CNTN4: variants seen among roughly 807,000 people sequenced by gnomAD.
The protein encoded by CNTN4 is contactin-4.
Under a neutral mutation model 122.5 loss-of-function variants are expected in CNTN4, and 77 were observed. The ratio of observed to expected loss-of-function variants is 0.63; its 90% CI spans 0.52 to 0.76. The LOEUF (loss-of-function observed/expected upper bound fraction) is 0.76, where lower values mean the gene tolerates loss of function less well. Among genes scored for constraint, CNTN4 ranks in the 30% least tolerant of loss-of-function variants. The pLI is 0.00. For synonymous variants in CNTN4, 512 were observed against 447.0 expected (o/e 1.15, Z -1.83); for missense variants, 1,256 against 1,259.1 (o/e 1.00, Z 0.04).
chr3:2,524,010 T>C (rs973991873), intron 3 of CNTN4, among the ~76,000 whole-genome samples: 1 of 152,152 alleles, frequency 6.6e-6, no homozygotes, highest in Non-Finnish European at 1.5e-5. Context: ...ATAATTCTTA[T>C]GTCATACAAC....
At position 2,902,988 on chromosome 3, in the gene CNTN4, C is replaced by A; in HGVS notation, c.1190C>A (p.Ala397Glu). The A allele has an allele frequency of 6.2e-7, 1 of 1,613,620 alleles. No homozygotes were observed. Among genetic ancestry groups the A allele is most frequent in the Non-Finnish European group, 8.5e-7 (1 of 1,179,810 alleles). ...ENKHGVIFSN[A>E]ELSVIAVGPD... is the part of the protein sequence containing the mutation. ...AAACATGGAGTTATCTTTTCCAACG[C>A]AGAGCTTAGTGTTATAGGTGAGTCT... Residue 397 changes from alanine (A) to glutamate (E), a missense_variant, in exon 12 of 25, where the codon GCA becomes GAA. Transcript: ENST00000418658.
chr3:2,146,563 T>C (rs2035256100), intron 2 of CNTN4, among the ~76,000 whole-genome samples: 2 of 152,176 alleles, frequency 1.3e-5, no homozygotes, highest in African/African-American at 4.8e-5. Context: ...TCACTTGATA[T>C]TTTACATTTT....
chr3:2,170,782 C>G (rs544790834), intron 2 of CNTN4, among the ~76,000 whole-genome samples: 2 of 152,042 alleles, frequency 1.3e-5, no homozygotes, highest in South Asian at 2.1e-4. Context: ...TCAGTAAAAA[C>G]TTATGCAGAT....
At chr3:3,018,040 CTG>C (rs907220195) in intron 14 of CNTN4, among the ~76,000 whole-genome samples, 16 of 152,198 alleles carry the variant, frequency 1.1e-4, no homozygotes, top group African/African-American at 3.4e-4. Flanking sequence ...AAACTGGAAA[CTG>C]TGGTGTTTCC....
At chr3:2,613,517 C>T (rs535815486) in intron 4 of CNTN4, among the ~76,000 whole-genome samples, 130 of 152,016 alleles carry the variant, frequency 8.6e-4, no homozygotes, top group Non-Finnish European at 1.5e-3. Flanking sequence ...TACTGTAAAG[C>T]ACTATTTGTA....
At chr3:2,906,343 C>T (rs974639045) in intron 12 of CNTN4, among the ~76,000 whole-genome samples, 1 of 152,042 alleles carries the variant, frequency 6.6e-6, no homozygotes, top group African/African-American at 2.4e-5. Context: ...TTAAGTGTTT[C>T]ACCACAAAAA....
At chr3:2,556,573 T>G (rs1255506688) in intron 3 of CNTN4, among the ~76,000 whole-genome samples, 1 of 152,132 alleles carries the variant, frequency 6.6e-6, no homozygotes, top group Non-Finnish European at 1.5e-5. Flanking sequence ...AATTATACTG[T>G]TAACAGCTCG....
rs111900112 is a variant in CNTN4 at position 2,692,891 on chromosome 3, T to C, written c.56-43324T>C. Among the ~76,000 whole-genome samples the C allele has an allele frequency of 6.7e-3, 1,023 of 151,938 alleles. 8 individuals carry two copies. The highest frequency in any genetic ancestry group is 0.021 in the African/African-American group (852 of 41,550). On this transcript the variant is annotated intron_variant, in intron 4 of 24. Transcript: ENST00000418658. ...AAATATGGTAGCCTAAAAAAACTAA[T>C]GACTAAACCTTAAAGACTAATTTAA...
chr3:2,766,661 A>G (rs1366695337), intron 6 of CNTN4, among the ~76,000 whole-genome samples: 1 of 152,132 alleles, frequency 6.6e-6, no homozygotes, highest in African/African-American at 2.4e-5. Flanking sequence ...TGCTTGGGTC[A>G]TGGGTGCACC....
rs11925182 is a variant in CNTN4, at chr3:2,295,000, C to T, written c.-144-44178C>T. 5.6e-3 allele frequency among the ~76,000 whole-genome samples: 847 copies of T among 152,168 alleles called. 13 individuals are homozygous for T. The highest frequency in any genetic ancestry group is 0.02 in the African/African-American group (816 of 41,522). ...ATTTCATCCATGTCCCTACAAAGGA[C>T]ATGAACTCATCATTTTTTATGGCTG... On this transcript the variant is annotated intron_variant, in intron 2 of 24. Transcript: ENST00000418658.
intron 3 of CNTN4, among the ~76,000 whole-genome samples, chr3:2,522,149 T>TGTGTGTGTGTGTG (rs1553678903): frequency 6.3e-5 from 4 of 63,418 alleles, no homozygotes; most frequent in Non-Finnish European, 1.3e-4. Flanking sequence ...CCTAAGCAGT[T>TGTGTGTGTGTGTG]TGTGTGTGTG....
chr3:2,789,208 TCTC>T (rs1352972287), intron 6 of CNTN4, among the ~76,000 whole-genome samples: 1 of 152,212 alleles, frequency 6.6e-6, no homozygotes, highest in African/African-American at 2.4e-5. Context: ...AATTTTGACT[TCTC>T]CTATTACCTG....
At chr3:2,253,306 A>T (rs1439507513) in intron 2 of CNTN4, among the ~76,000 whole-genome samples, 1 of 152,160 alleles carries the variant, frequency 6.6e-6, no homozygotes, top group Non-Finnish European at 1.5e-5. Flanking sequence ...CAGTGACTTT[A>T]TGTCACATAA....
In CNTN4 at chr3:2,377,775, A is replaced by AT. The variant is rs113134614; in HGVS notation, c.-89+38551dup. ...CTTAAAACATGATTTTTTTGTGATT[A>AT]TTTTTTTTTAACCTCATCAGTTATT... On this transcript the variant is annotated intron_variant, in intron 3 of 24. Coordinates refer to ENST00000418658, the MANE Select transcript of CNTN4 (RefSeq NM_175607.3). Among the ~76,000 whole-genome samples, 656 of 150,528 alleles carry AT rather than the reference A, an allele frequency of 4.4e-3. 5 individuals carry two copies. Among genetic ancestry groups the AT allele is most frequent in the African/African-American group, 0.015 (598 of 41,086 alleles).
intron 2 of CNTN4, among the ~76,000 whole-genome samples, chr3:2,329,313 C>T (rs2043619677): frequency 6.6e-6 from 1 of 152,134 alleles, no homozygotes; most frequent in Non-Finnish European, 1.5e-5. Context: ...TCACTTATGT[C>T]AGTGGAAATG....
intron 13 of CNTN4, among the ~76,000 whole-genome samples, chr3:2,987,877 A>T (rs1694720837): frequency 6.6e-6 from 1 of 152,202 alleles, no homozygotes; most frequent in African/African-American, 2.4e-5. Context: ...GACATATTTC[A>T]GAAATAAATA....
At chr3:2,367,263 A>G (rs1183551086) in intron 3 of CNTN4, among the ~76,000 whole-genome samples, 1 of 152,250 alleles carries the variant, frequency 6.6e-6, no homozygotes, top group Non-Finnish European at 1.5e-5. Flanking sequence ...AAAGCTTATC[A>G]AATGAGACTT....
chr3:2,840,625 G>A (rs1288449820), intron 7 of CNTN4, among the ~76,000 whole-genome samples: 2 of 134,400 alleles, frequency 1.5e-5, no homozygotes, highest in African/African-American at 5.3e-5. Flanking sequence ...CGGGAACCCG[G>A]GAGGCGGAGC....
In CNTN4 at chr3:2,695,828, T is replaced by G. The variant is rs375098931; in HGVS notation, c.56-40387T>G. Among the ~76,000 whole-genome samples the G allele has an allele frequency of 1.2e-4, 19 of 152,040 alleles. No homozygotes were observed. The East Asian group carries it at 1.7e-3, about 14-fold the overall frequency. ...TTTTAGAAGTGTCACCAGAGTTGAG[T>G]CTGAAATTATGAGCAAATGTTTTCC... On this transcript the variant is annotated intron_variant, in intron 4 of 24. Transcript: ENST00000418658.
Sources: allele counts gnomAD v4.1 joint callset (sites outside exome capture counted in the v4.1 genomes callset), GRCh38; gene constraint gnomAD v4.1.1; transcripts MANE v1.5; gene names NCBI Gene and HGNC (gene_info 2026-07-23, HGNC 2026-07-21).